ANKRD36: variants seen among roughly 807,000 people sequenced by gnomAD.
ANKRD36 encodes ankyrin repeat domain 36, also known as ankyrin repeat domain-containing protein 36A.
ANKRD36 carries 179 observed loss-of-function variants against 278.1 expected under a neutral mutation model. The ratio of observed to expected loss-of-function variants is 0.64; its 90% CI spans 0.57 to 0.73. The LOEUF is 0.73. Among genes scored for constraint, ANKRD36 ranks in the 30% least tolerant of loss-of-function variants. The pLI, the probability that ANKRD36 is intolerant of heterozygous loss-of-function variation, is 0.00. For synonymous variants in ANKRD36, 320 were observed against 641.1 expected (o/e 0.50, Z 7.57); for missense variants, 1,159 against 1,956.7 (o/e 0.59, Z 7.69).
chr2:97,156,605 T>C lies in ANKRD36; in HGVS notation c.1261-1502T>C, dbSNP rs200199527. Among the ~76,000 whole-genome samples, 908 of 136,508 alleles carry C rather than the reference T, an allele frequency of 6.7e-3. 61 individuals are homozygous for C. The East Asian group carries it at 0.11, about 17-fold the overall frequency. 89.6% of individuals were successfully genotyped at this position (136,508 alleles called of 152,430 possible). ...ATGGTGTATATGTGCCACATTTTCT[T>C]AATCCAGTCTATCATTGTTGGACAT... On this transcript the variant is annotated intron_variant, in intron 15 of 75. Transcript: ENST00000420699.
At chr2:97,232,801 T>G (rs2153678518) in intron 67 of ANKRD36, among the ~76,000 whole-genome samples, 1 of 151,806 alleles carries the variant, frequency 6.6e-6, no homozygotes, top group Admixed American at 6.6e-5. Context: ...AGGAAAATTT[T>G]TATAATGATA....
Position 97,154,614 on chromosome 2 carries a change from G to A in ANKRD36, c.1194-61G>A, listed in dbSNP as rs2046999980. The A allele has an allele frequency of 2.2e-6, 3 of 1,378,494 alleles. No homozygotes were observed. In the South Asian group the frequency reaches 3.7e-5, roughly 17 times the overall value. The allele number at this position is 1,378,494 out of a possible 1,614,324, so 85.4% of individuals were successfully genotyped here. A position where few individuals can be genotyped will look rare whatever the true frequency, so the allele number is the denominator to read the frequency against. On this transcript the variant is annotated intron_variant, in intron 14 of 75. Transcript: ENST00000420699. ...GGGGACCTGCATGTATAGACTGACG[G>A]TTTTTGTTTTCTTTTAAGAAATGAA...
chr2:97,157,642 C>A (rs1437229305), intron 15 of ANKRD36, among the ~76,000 whole-genome samples: 1 of 143,586 alleles, frequency 7.0e-6, no homozygotes, highest in Non-Finnish European at 1.5e-5. Context: ...AGAATAGAAG[C>A]AACTTACACT....
intron 34 of ANKRD36, among the ~76,000 whole-genome samples, chr2:97,190,517 T>C (rs577339603): frequency 6.6e-6 from 1 of 151,652 alleles, no homozygotes; most frequent in East Asian, 2.0e-4. Context: ...TCATGGTAAT[T>C]GTGTGCCTTC....
chr2:97,142,282 G>A (rs567953271), intron 6 of ANKRD36, among the ~76,000 whole-genome samples: 8 of 152,324 alleles, frequency 5.3e-5, no homozygotes, highest in African/African-American at 1.9e-4. Context: ...GTGACAGCAT[G>A]TACCACCTGC....
intron 38 of ANKRD36, 103 bp from the exon 39 acceptor site, chr2:97,194,623 A>G: frequency 1.3e-6 from 2 of 1,574,278 alleles, no homozygotes; most frequent in Non-Finnish European, 1.7e-6. Context: ...AGCGTACACT[A>G]ATACAGGCAG....
chr2:97,218,399 GTGGA>G (rs1332479995), intron 64 of ANKRD36, among the ~76,000 whole-genome samples: 12 of 146,180 alleles, frequency 8.2e-5, no homozygotes, highest in Admixed American at 3.5e-4. Context: ...CTTGCCATTA[GTGGA>G]TGAAGAAAGT....
At chr2:97,173,223 CT>C (rs1335039844) in intron 22 of ANKRD36, among the ~76,000 whole-genome samples, 1 of 151,396 alleles carries the variant, frequency 6.6e-6, no homozygotes, top group Non-Finnish European at 1.5e-5. Flanking sequence ...CATAAAATAG[CT>C]CCACAAAGTG....
rs2034180073 is a variant in ANKRD36 at position 97,113,617 on chromosome 2, G to A, written c.-123G>A. 4.8e-6 allele frequency: 6 copies of A among 1,253,846 alleles called. No individual in the cohort carries two copies. The highest frequency in any genetic ancestry group is 1.5e-5 in the African/African-American group (1 of 67,002). The allele number at this position is 1,253,846 out of a possible 1,614,324, so 77.7% of individuals were successfully genotyped here. On this transcript the variant is annotated 5_prime_UTR_variant, in exon 1 of 76. Transcript: ENST00000420699. Reference sequence around the variant, plus strand: ...GGGCGTTTCTGCTGAGAGGCGGGAGGCGCTGAGAGTCTGTGCGGAGGTCCG... The same window carrying A: ...GGGCGTTTCTGCTGAGAGGCGGGAGACGCTGAGAGTCTGTGCGGAGGTCCG...
At chr2:97,195,974 G>A (rs1274352715) in intron 40 of ANKRD36, among the ~76,000 whole-genome samples, 24 of 152,044 alleles carry the variant, frequency 1.6e-4, no homozygotes, top group Non-Finnish European at 1.3e-4. Context: ...CTAAACTAGT[G>A]GATACAAGAA....
intron 44 of ANKRD36, among the ~76,000 whole-genome samples, chr2:97,199,531 G>A (rs1222108055): frequency 2.0e-5 from 3 of 151,900 alleles, no homozygotes; most frequent in East Asian, 3.9e-4. Flanking sequence ...TCCTAAAATG[G>A]TCATTTTCAA....
At chr2:97,194,965 G>A in intron 40 of ANKRD36, 48 bp downstream of exon 40, 5 of 1,536,272 alleles carry the variant, frequency 3.3e-6, no homozygotes, top group Non-Finnish European at 2.6e-6. Flanking sequence ...CAGACAAGAA[G>A]TTCTCTTCCC....
chr2:97,164,652 C>G (rs2050145371), intron 20 of ANKRD36, among the ~76,000 whole-genome samples, 183 bp downstream of exon 20: 1 of 152,310 alleles, frequency 6.6e-6, no homozygotes, highest in Non-Finnish European at 1.5e-5. Context: ...GGACATTTTA[C>G]ACGGTGAGCT....
At chr2:97,150,906 G>A (rs1225920551) in intron 12 of ANKRD36, among the ~76,000 whole-genome samples, 1 of 147,628 alleles carries the variant, frequency 6.8e-6, no homozygotes, top group African/African-American at 2.5e-5. Context: ...CTCTCTCTCT[G>A]TAGTAAGAAT....
At chr2:97,115,653 A>G (rs1397564573) in intron 1 of ANKRD36, among the ~76,000 whole-genome samples, 2 of 76 alleles carry the variant, frequency 0.026, no homozygotes, top group East Asian at 0.5. Flanking sequence ...ACTATTTTCT[A>G]TCACAAGTTT....
chr2:97,225,549 A>G (rs903559166), intron 67 of ANKRD36, among the ~76,000 whole-genome samples: 1 of 152,098 alleles, frequency 6.6e-6, no homozygotes, highest in African/African-American at 2.4e-5. Flanking sequence ...CCTATAATCT[A>G]TATAAATATA....
chr2:97,113,974 C>A, intron 1 of ANKRD36, 38 bp downstream of exon 1: 1 of 1,539,752 alleles, frequency 6.5e-7, no homozygotes, highest in Non-Finnish European at 8.8e-7. Context: ...GGGAGGAGGC[C>A]TGTGGATGTG....
chr2:97,218,693 G>A (rs1430568077), intron 64 of ANKRD36, among the ~76,000 whole-genome samples: 4 of 152,088 alleles, frequency 2.6e-5, no homozygotes, highest in Non-Finnish European at 5.9e-5. Flanking sequence ...TCATGCAGTC[G>A]CAGTTAGCAC....
intron 44 of ANKRD36, among the ~76,000 whole-genome samples, chr2:97,199,758 G>A (rs1262017856): frequency 2.0e-5 from 3 of 152,020 alleles, no homozygotes; most frequent in African/African-American, 7.2e-5. Context: ...ATGGGTGTGA[G>A]AGATAATGAA....
Sources: allele counts gnomAD v4.1 joint callset (sites outside exome capture counted in the v4.1 genomes callset), GRCh38; gene constraint gnomAD v4.1.1; transcripts MANE v1.5; gene names NCBI Gene and HGNC (gene_info 2026-07-23, HGNC 2026-07-21).